The following NRXN3 variants were observed in gnomAD, a reference collection of about 807,000 sequenced individuals.
NRXN3 encodes the protein neurexin 3, also known as neurexin III.
Under a neutral mutation model 137.6 loss-of-function variants are expected in NRXN3, and 32 were observed. The ratio of observed to expected loss-of-function variants is 0.23; its 90% CI spans 0.18 to 0.31. The LOEUF (loss-of-function observed/expected upper bound fraction) is 0.31, where lower values mean the gene tolerates loss of function less well. NRXN3 is among the 10% of genes least tolerant of loss of function. The pLI, the probability that NRXN3 is intolerant of heterozygous loss-of-function variation, is 1.00. For synonymous variants in NRXN3, 798 were observed against 784.5 expected (o/e 1.02, Z -0.29); for missense variants, 1,574 against 2,062.5 (o/e 0.76, Z 4.59).
chr14:79,247,536 C>A (rs1040593361), intron 15 of NRXN3, among the ~76,000 whole-genome samples: 1 of 152,132 alleles, frequency 6.6e-6, no homozygotes, highest in Non-Finnish European at 1.5e-5. Context: ...AGTTTCCCTG[C>A]ACATATTTTC....
intron 8 of NRXN3, among the ~76,000 whole-genome samples, chr14:78,752,114 G>A (rs998603719): frequency 6.6e-6 from 1 of 152,226 alleles, no homozygotes; most frequent in Admixed American, 6.5e-5. Context: ...TTTTAAAAGA[G>A]CATTTTGGGG....
At chr14:79,665,549 A>G (rs2098553578) in intron 17 of NRXN3, among the ~76,000 whole-genome samples, 1 of 152,120 alleles carries the variant, frequency 6.6e-6, no homozygotes, top group South Asian at 2.1e-4. Context: ...AGCTGTTCAT[A>G]GGCTCATAGA....
intron 1 of NRXN3, among the ~76,000 whole-genome samples, chr14:78,173,917 C>T (rs1262406384): frequency 6.6e-6 from 1 of 151,898 alleles, no homozygotes; most frequent in Non-Finnish European, 1.5e-5. Flanking sequence ...CCCACTCTAC[C>T]TCCACCATGG....
At chr14:78,196,300 G>T (rs775268889) in intron 1 of NRXN3, among the ~76,000 whole-genome samples, 1 of 152,218 alleles carries the variant, frequency 6.6e-6, no homozygotes, top group Non-Finnish European at 1.5e-5. Context: ...CTTAGACAAG[G>T]GCTCCTTAAA....
At chr14:79,769,986 A>G (rs924059113) in intron 19 of NRXN3, among the ~76,000 whole-genome samples, 4 of 152,158 alleles carry the variant, frequency 2.6e-5, no homozygotes, top group African/African-American at 4.8e-5. Flanking sequence ...AGTCTCTGAT[A>G]AAAGAGACTT....
intron 10 of NRXN3, among the ~76,000 whole-genome samples, chr14:78,823,688 G>A (rs984471809): frequency 5.3e-5 from 8 of 152,198 alleles, no homozygotes; most frequent in Non-Finnish European, 1.2e-4. Flanking sequence ...ACATTGAGGT[G>A]ATCAGGGGTA....
intron 19 of NRXN3, among the ~76,000 whole-genome samples, chr14:79,785,997 TC>T (rs2099128255): frequency 6.6e-6 from 1 of 151,840 alleles, no homozygotes; most frequent in Non-Finnish European, 1.5e-5. Context: ...CACACCTCTG[TC>T]CCCACCATGA....
chr14:78,995,727 T>A (rs1185072828), intron 15 of NRXN3, among the ~76,000 whole-genome samples: 1 of 152,158 alleles, frequency 6.6e-6, no homozygotes, highest in African/African-American at 2.4e-5. Flanking sequence ...AAATATAGAA[T>A]GAATGTGTGT....
chr14:78,591,485 G>A (rs7148813), intron 4 of NRXN3, among the ~76,000 whole-genome samples: 2,423 of 152,242 alleles, frequency 0.016, 57 homozygotes, highest in African/African-American at 0.055. Flanking sequence ...TCAGCCCTGT[G>A]TGTGGCCCTG....
At chr14:78,693,101 A>AACAAT (rs1394167397) in intron 6 of NRXN3, among the ~76,000 whole-genome samples, 1 of 151,866 alleles carries the variant, frequency 6.6e-6, no homozygotes, top group Non-Finnish European at 1.5e-5. Context: ...AACAAAACAA[A>AACAAT]ACAAACAAAC....
chr14:78,549,495 G>A (rs1385303880), intron 4 of NRXN3, among the ~76,000 whole-genome samples: 1 of 152,198 alleles, frequency 6.6e-6, no homozygotes, highest in Non-Finnish European at 1.5e-5. Flanking sequence ...CAAGCTTACA[G>A]TGCTGTTTGA....
At chr14:78,700,778 C>A (rs1429737543) in intron 6 of NRXN3, among the ~76,000 whole-genome samples, 1 of 151,776 alleles carries the variant, frequency 6.6e-6, no homozygotes, top group Non-Finnish European at 1.5e-5. Context: ...GAAACTTTTT[C>A]TTTTTCTTTC....
At chr14:78,731,967 G>GCTTATAAGAAGCAGTATTTA (rs1555461708) in intron 8 of NRXN3, among the ~76,000 whole-genome samples, 5 of 152,104 alleles carry the variant, frequency 3.3e-5, no homozygotes, top group African/African-American at 9.7e-5. Context: ...CAACTTTGTG[G>GCTTATAAGAAGCAGTATTTA]ATAGGTTGAG....
At chr14:79,605,782 G>A (rs759239934) in intron 16 of NRXN3, among the ~76,000 whole-genome samples, 11 of 152,210 alleles carry the variant, frequency 7.2e-5, no homozygotes, top group East Asian at 1.9e-4. Flanking sequence ...GAACCACTGC[G>A]CCTGGCCGAT....
At chr14:79,032,133 T>A (rs1393123215) in intron 15 of NRXN3, among the ~76,000 whole-genome samples, 1 of 152,132 alleles carries the variant, frequency 6.6e-6, no homozygotes, top group East Asian at 1.9e-4. Flanking sequence ...TAATACACTA[T>A]CAAAAAGTCA....
chr14:79,562,998 C>T (rs1216977148), intron 16 of NRXN3, among the ~76,000 whole-genome samples: 1 of 152,084 alleles, frequency 6.6e-6, no homozygotes, highest in South Asian at 2.1e-4. Flanking sequence ...AGGCCCTGAA[C>T]ACAACATAGG....
chr14:79,569,209 TC>T (rs1195945740), intron 16 of NRXN3, among the ~76,000 whole-genome samples: 1 of 151,982 alleles, frequency 6.6e-6, no homozygotes, highest in Admixed American at 6.6e-5. Flanking sequence ...AATACTAACC[TC>T]CTACCAAACA....
intron 15 of NRXN3, among the ~76,000 whole-genome samples, chr14:78,990,687 T>C (rs942831349): frequency 6.6e-6 from 1 of 152,120 alleles, no homozygotes; most frequent in Non-Finnish European, 1.5e-5. Flanking sequence ...GATAAGTATA[T>C]AGAATTGAGA....
At chr14:78,457,758 C>T (rs571286944) in intron 4 of NRXN3, among the ~76,000 whole-genome samples, 7 of 152,248 alleles carry the variant, frequency 4.6e-5, no homozygotes, top group East Asian at 3.9e-4. Context: ...TGCATACACA[C>T]GTACCCACAC....
Sources: allele counts gnomAD v4.1 joint callset (sites outside exome capture counted in the v4.1 genomes callset), GRCh38; gene constraint gnomAD v4.1.1; transcripts MANE v1.5; gene names NCBI Gene and HGNC (gene_info 2026-07-23, HGNC 2026-07-21).